The following VAMP7 variants were observed in gnomAD, a reference collection of about 807,000 sequenced individuals.
VAMP7 encodes vesicle-associated membrane protein 7.
Under a neutral mutation model 29.6 loss-of-function variants are expected in VAMP7, and 14 were observed. That is an observed-to-expected ratio of 0.47 (90% CI 0.31 to 0.74). VAMP7 has a LOEUF of 0.74. VAMP7 is among the 30% of genes least tolerant of loss of function. The pLI is 0.05. For synonymous variants in VAMP7, 95 were observed against 88.1 expected (o/e 1.08, Z -0.44); for missense variants, 223 against 262.4 (o/e 0.85, Z 1.04).
intron 5 of VAMP7, among the ~76,000 whole-genome samples, chrX:155,908,570 G>A (rs1292529116): frequency 1.3e-5 from 2 of 149,634 alleles, no homozygotes; most frequent in African/African-American, 2.5e-5. Context: ...GTGAGAGGGG[G>A]AGGGGGAGAG....
In VAMP7 at chrX:155,905,109, C is replaced by A. The variant is rs189455739; in HGVS notation, c.433+4522C>A. On this transcript the variant is annotated intron_variant, in intron 5 of 7. Coordinates refer to ENST00000286448, the MANE Select transcript of VAMP7 (RefSeq NM_005638.6). Reference sequence around the variant, plus strand: ...AAAACTTATCTTTTTTGATTATACCCAGTCTAGTGAAATGGTACTTTATTG... The same window carrying A: ...AAAACTTATCTTTTTTGATTATACCAAGTCTAGTGAAATGGTACTTTATTG... Among the ~76,000 whole-genome samples, 186 of 151,866 alleles carry A rather than the reference C, an allele frequency of 1.2e-3. 1 individual carries two copies. The highest frequency in any genetic ancestry group is 4.3e-3 in the African/African-American group (180 of 41,494).
At chrX:155,908,570 G>T (rs1292529116) in intron 5 of VAMP7, among the ~76,000 whole-genome samples, 1 of 149,634 alleles carries the variant, frequency 6.7e-6, no homozygotes, top group African/African-American at 2.5e-5. Flanking sequence ...GTGAGAGGGG[G>T]AGGGGGAGAG....
At chrX:155,936,020 T>G (rs777047780) in intron 6 of VAMP7, among the ~76,000 whole-genome samples, 1 of 152,240 alleles carries the variant, frequency 6.6e-6, no homozygotes, top group Admixed American at 6.5e-5. Flanking sequence ...CAGTGAATAT[T>G]GCTGAACACC....
At chrX:155,941,851 A>G (rs757796940) in intron 7 of VAMP7, 32 bp from the exon 8 acceptor site, 7 of 1,605,660 alleles carry the variant, frequency 4.4e-6, no homozygotes, top group African/African-American at 1.3e-5. Flanking sequence ...GATTGATTCA[A>G]GAAAATAAAA....
intron 6 of VAMP7, among the ~76,000 whole-genome samples, chrX:155,927,481 CAAAAAA>C (rs531998416): frequency 9.0e-6 from 1 of 111,630 alleles, no homozygotes. Flanking sequence ...TTCGATTTGC[CAAAAAA>C]AAAAAAAAAA....
intron 5 of VAMP7, among the ~76,000 whole-genome samples, chrX:155,908,564 GA>G (rs1381969635): frequency 8.6e-5 from 13 of 150,686 alleles, no homozygotes; most frequent in East Asian, 2.0e-4. Context: ...GGGAGAGTGA[GA>G]GGGGGAGGGG....
intron 1 of VAMP7, among the ~76,000 whole-genome samples, chrX:155,887,504 C>T (rs1242486001): frequency 6.6e-6 from 1 of 152,058 alleles, no homozygotes; most frequent in African/African-American, 2.4e-5. Flanking sequence ...CTGTATTTTG[C>T]AATATAGAGG....
chrX:155,887,891 A>G (rs970301159), intron 1 of VAMP7, among the ~76,000 whole-genome samples: 14 of 151,144 alleles, frequency 9.3e-5, no homozygotes, highest in Non-Finnish European at 1.9e-4. Flanking sequence ...AGATTGTGCC[A>G]CTGCACTCTA....
chrX:155,914,128 G>A (rs908717304), intron 5 of VAMP7, among the ~76,000 whole-genome samples: 2 of 152,092 alleles, frequency 1.3e-5, no homozygotes, highest in African/African-American at 4.8e-5. Flanking sequence ...TAGCAATTGT[G>A]AATGGGAGTT....
At chrX:155,928,119 C>A (rs1255414587) in intron 6 of VAMP7, among the ~76,000 whole-genome samples, 2 of 151,824 alleles carry the variant, frequency 1.3e-5, no homozygotes, top group Non-Finnish European at 2.9e-5. Flanking sequence ...AGACGGGTCT[C>A]CCTATGTTGC....
intron 6 of VAMP7, among the ~76,000 whole-genome samples, 174 bp from the exon 7 acceptor site, chrX:155,939,527 C>T (rs1431039265): frequency 6.6e-6 from 1 of 152,102 alleles, no homozygotes; most frequent in Non-Finnish European, 1.5e-5. Flanking sequence ...TTATGATAGG[C>T]CTGGCAGAGT....
intron 6 of VAMP7, among the ~76,000 whole-genome samples, chrX:155,933,540 G>A (rs1291994608): frequency 3.3e-5 from 5 of 152,192 alleles, no homozygotes; most frequent in East Asian, 1.9e-4. Context: ...CTGTGGGATC[G>A]GTGGTGATAT....
intron 3 of VAMP7, 97 bp downstream of exon 3, chrX:155,895,777 G>A (rs2124257829): frequency 9.9e-7 from 1 of 1,008,022 alleles, no homozygotes; most frequent in Non-Finnish European, 1.5e-6. Flanking sequence ...CCCCCAGGCT[G>A]CAGACCGGTA....
chrX:155,924,944 T>C (rs1302814774), intron 6 of VAMP7, among the ~76,000 whole-genome samples: 3 of 152,214 alleles, frequency 2.0e-5, no homozygotes, highest in Non-Finnish European at 4.4e-5. Flanking sequence ...TCAACAGTGT[T>C]CACAGCATCT....
intron 1 of VAMP7, among the ~76,000 whole-genome samples, chrX:155,885,182 A>T (rs906183539): frequency 6.6e-6 from 1 of 152,150 alleles, no homozygotes; most frequent in African/African-American, 2.4e-5. Context: ...AAACCCAACA[A>T]CTAGAACAAA....
intron 6 of VAMP7, among the ~76,000 whole-genome samples, chrX:155,925,662 G>A (rs916537454): frequency 6.6e-6 from 1 of 152,208 alleles, no homozygotes; most frequent in Non-Finnish European, 1.5e-5. Flanking sequence ...GCTCGAAGTG[G>A]GGAGGGGGCC....
chrX:155,910,433 C>T (rs2066220360), intron 5 of VAMP7, among the ~76,000 whole-genome samples: 1 of 152,074 alleles, frequency 6.6e-6, no homozygotes, highest in Admixed American at 6.6e-5. Context: ...GCAGATATCC[C>T]GTCTATACAC....
intron 1 of VAMP7, among the ~76,000 whole-genome samples, chrX:155,886,768 A>G (rs2065870363): frequency 6.6e-6 from 1 of 152,236 alleles, no homozygotes; most frequent in African/African-American, 2.4e-5. Flanking sequence ...GTACTTAAAC[A>G]GGTCAAGACA....
At chrX:155,910,783 T>C (rs2066226988) in intron 5 of VAMP7, among the ~76,000 whole-genome samples, 1 of 152,150 alleles carries the variant, frequency 6.6e-6, no homozygotes, top group Non-Finnish European at 1.5e-5. Flanking sequence ...TGCCCACTTT[T>C]TAAGGGGATT....
Sources: gnomAD v4.1 joint callset for allele counts (sites outside exome capture counted in the v4.1 genomes callset) on GRCh38, gnomAD v4.1.1 for gene constraint, MANE v1.5 for transcripts, NCBI Gene and HGNC (gene_info 2026-07-23, HGNC 2026-07-21) for gene names.